ULK4: variants seen among roughly 807,000 people sequenced by gnomAD.
The protein encoded by ULK4 is inactive serine/threonine-protein kinase ULK4.
Under a neutral mutation model 160.6 loss-of-function variants are expected in ULK4, and 133 were observed. The observed-to-expected ratio is 0.83, with a 90% CI of 0.72 to 0.96. The LOEUF (loss-of-function observed/expected upper bound fraction) is 0.96. Ranked by LOEUF, ULK4 falls within the 40% of genes least tolerant of loss-of-function variation. The pLI, the probability that ULK4 is intolerant of heterozygous loss-of-function variation, is 0.00. For missense variants in ULK4, 1,580 were observed against 1,499.5 expected (o/e 1.05, Z -0.89); for synonymous variants, 534 against 539.8 (o/e 0.99, Z 0.15).
chr3:41,635,355 G>A (rs113249629), intron 30 of ULK4, among the ~76,000 whole-genome samples: 1 of 151,884 alleles, frequency 6.6e-6, no homozygotes, highest in African/African-American at 2.4e-5. Flanking sequence ...GTTTGTGTGT[G>A]TACTTAACAA....
chr3:41,312,673 A>T (rs1280942921), intron 35 of ULK4, among the ~76,000 whole-genome samples: 1 of 151,800 alleles, frequency 6.6e-6, no homozygotes, highest in African/African-American at 2.4e-5. Context: ...ACAAAAAAAC[A>T]TTAGCACACC....
At chr3:41,607,064 T>C (rs529488608) in intron 31 of ULK4, among the ~76,000 whole-genome samples, 1 of 152,264 alleles carries the variant, frequency 6.6e-6, no homozygotes, top group South Asian at 2.1e-4. Context: ...GGTTTTCTTC[T>C]GGTAGTTTTA....
chr3:41,309,055 A>C (rs916279708), intron 35 of ULK4, among the ~76,000 whole-genome samples: 3 of 152,174 alleles, frequency 2.0e-5, no homozygotes. Flanking sequence ...TTATAAATAA[A>C]ATTTATGAAA....
At chr3:41,846,088 G>A (rs1290682856) in intron 17 of ULK4, among the ~76,000 whole-genome samples, 2 of 152,148 alleles carry the variant, frequency 1.3e-5, no homozygotes, top group African/African-American at 2.4e-5. Flanking sequence ...TCAATGTCTT[G>A]TAAATAGACA....
intron 31 of ULK4, among the ~76,000 whole-genome samples, chr3:41,605,148 TACCA>T (rs1476442350): frequency 6.6e-6 from 1 of 151,116 alleles, no homozygotes; most frequent in Non-Finnish European, 1.5e-5. Flanking sequence ...TCATAAACTA[TACCA>T]ACCATTAAAA....
chr3:41,839,272 G>A (rs1194543691), intron 17 of ULK4, among the ~76,000 whole-genome samples: 6 of 151,888 alleles, frequency 4.0e-5, no homozygotes, highest in African/African-American at 1.2e-4. Context: ...CCTGGGAGGT[G>A]GAGGTTAGAG....
intron 30 of ULK4, among the ~76,000 whole-genome samples, chr3:41,662,342 C>T (rs903165267): frequency 6.6e-6 from 1 of 152,164 alleles, no homozygotes. Context: ...ATTTGCATGG[C>T]ATCCTTTGGA....
In ULK4 at chr3:41,470,018, G is replaced by GAAAAAAAAAAAAAAA. The variant is rs71094650; in HGVS notation, c.3227-6780_3227-6766dup. Among the ~76,000 whole-genome samples the GAAAAAAAAAAAAAAA allele has an allele frequency of 2.2e-3, 101 of 45,980 alleles. 7 individuals carry two copies. Among genetic ancestry groups the GAAAAAAAAAAAAAAA allele is most frequent in the Non-Finnish European group, 2.9e-3 (76 of 26,540 alleles). The allele number at this position is 45,980 out of a possible 152,430, so 30.2% of individuals were successfully genotyped here. On this transcript the variant is annotated intron_variant, in intron 32 of 36. Transcript: ENST00000301831. ...GAGGAATTCAAGAAGAAACAGAACA[G>GAAAAAAAAAAAAAAA]AAAAAAAAAAAAAAAAAAAAAAAAA...
intron 30 of ULK4, among the ~76,000 whole-genome samples, chr3:41,624,421 A>G (rs2033394562): frequency 6.6e-6 from 1 of 152,154 alleles, no homozygotes; most frequent in South Asian, 2.1e-4. Context: ...AGTATTTTAA[A>G]CTATATTCTA....
chr3:41,464,577 G>A (rs1388158276), intron 32 of ULK4, among the ~76,000 whole-genome samples: 2 of 152,152 alleles, frequency 1.3e-5, no homozygotes, highest in African/African-American at 4.8e-5. Flanking sequence ...ATTCTCCTTA[G>A]AGTTACAATG....
intron 31 of ULK4, among the ~76,000 whole-genome samples, chr3:41,589,376 G>A (rs573546055): frequency 4.1e-4 from 52 of 126,498 alleles, no homozygotes; most frequent in Non-Finnish European, 5.7e-4. Context: ...GGTTCCAGTG[G>A]ATTTTTGAAA....
intron 32 of ULK4, among the ~76,000 whole-genome samples, chr3:41,491,918 T>G (rs2084786021): frequency 6.7e-6 from 1 of 149,858 alleles, no homozygotes; most frequent in African/African-American, 2.5e-5. Context: ...AGTATGATGT[T>G]CCCCTTCCTG....
chr3:41,295,024 C>T (rs1026205675), intron 35 of ULK4, among the ~76,000 whole-genome samples: 1 of 152,154 alleles, frequency 6.6e-6, no homozygotes, highest in African/African-American at 2.4e-5. Context: ...AGTTGGAGGA[C>T]CGACACTTTC....
In ULK4 at chr3:41,471,788, T is replaced by TA. The variant is rs900424835; in HGVS notation, c.3227-8536dup. On this transcript the variant is annotated intron_variant, in intron 32 of 36. Coordinates refer to ENST00000301831, the MANE Select transcript of ULK4 (RefSeq NM_017886.4). ...TAATAAAGAAATTAAAAGGAAAATT[T>TA]AAAAAAATTGAGACAAATGAAAATG... is the stretch of plus-strand genomic sequence containing the variant. Among the ~76,000 whole-genome samples, 6 of 151,604 alleles carry TA rather than the reference T, an allele frequency of 4.0e-5. No individual in the cohort carries two copies. The South Asian group carries it at 1.0e-3, about 26-fold the overall frequency.
At chr3:41,881,052 G>A (rs1174183377) in intron 17 of ULK4, among the ~76,000 whole-genome samples, 22 of 152,104 alleles carry the variant, frequency 1.4e-4, no homozygotes, top group Non-Finnish European at 4.4e-5. Context: ...TTTTGTTACT[G>A]ATTATTGAAA....
At chr3:41,738,004 C>G (rs1012462258) in intron 22 of ULK4, among the ~76,000 whole-genome samples, 35 of 151,832 alleles carry the variant, frequency 2.3e-4, no homozygotes, top group Non-Finnish European at 1.0e-4. Context: ...TGGTACATCC[C>G]CTCTCTAGTA....
rs142470074 is a variant in ULK4 at position 41,476,938 on chromosome 3, C to T, written c.3227-13685G>A. 6.2e-4 allele frequency among the ~76,000 whole-genome samples: 94 copies of T among 152,244 alleles called. 1 individual carries two copies. Among genetic ancestry groups the T allele is most frequent in the African/African-American group, 2.0e-3 (82 of 41,550 alleles). ...TAGGTAGGTATAGGAAATAGAGAAA[C>T]GTGTACCTCAGCATAATGAAAAGGG... On this transcript the variant is annotated intron_variant, in intron 32 of 36. Transcript: ENST00000301831.
intron 22 of ULK4, among the ~76,000 whole-genome samples, chr3:41,734,166 G>A (rs901108729): frequency 1.3e-5 from 2 of 152,152 alleles, no homozygotes; most frequent in Admixed American, 1.3e-4. Flanking sequence ...GATGCTATTG[G>A]CTTGGTTGGG....
chr3:41,734,757 T>A (rs1180550605), intron 22 of ULK4, among the ~76,000 whole-genome samples: 1 of 152,220 alleles, frequency 6.6e-6, no homozygotes, highest in South Asian at 2.1e-4. Flanking sequence ...CTTTTTCACA[T>A]AGTCCCACTG....
Sources: gnomAD v4.1 joint callset for allele counts (sites outside exome capture counted in the v4.1 genomes callset) on GRCh38, gnomAD v4.1.1 for gene constraint, MANE v1.5 for transcripts, NCBI Gene and HGNC (gene_info 2026-07-23, HGNC 2026-07-21) for gene names.